P3H2: variants seen among roughly 807,000 people sequenced by gnomAD.
P3H2 encodes the protein leprecan-like 1.
Under a neutral mutation model 87.0 loss-of-function variants are expected in P3H2, and 80 were observed. That is an observed-to-expected ratio of 0.92 (90% CI 0.77 to 1.11). P3H2 has a LOEUF of 1.11. Among genes scored for constraint, P3H2 ranks in the 50% least tolerant of loss-of-function variants. The pLI is 0.00. For synonymous variants in P3H2, 367 were observed against 359.3 expected, an observed-to-expected ratio of 1.02 and a Z score of -0.24; for missense variants, 1,001 against 923.9, an observed-to-expected ratio of 1.08 and a Z score of -1.08.
intron 1 of P3H2, among the ~76,000 whole-genome samples, chr3:190,024,900 C>T (rs997821852): frequency 2.0e-5 from 3 of 152,280 alleles, no homozygotes; most frequent in Middle Eastern, 3.4e-3. Context: ...CCCTTCTCCA[C>T]CCTAACACTG....
intron 13 of P3H2, chr3:189,969,494 G>A: frequency 1.0e-6 from 1 of 973,994 alleles, no homozygotes; most frequent in Middle Eastern, 2.1e-4. Context: ...ATCATAGAGG[G>A]ACTGAGGTCT....
chr3:190,081,412 G>T (rs1045965616), intron 1 of P3H2, among the ~76,000 whole-genome samples: 2 of 152,116 alleles, frequency 1.3e-5, no homozygotes, highest in Non-Finnish European at 2.9e-5. Flanking sequence ...TTTTAAAAAG[G>T]CTTTCCAAAT....
chr3:190,119,811 A>G (rs1712460417), intron 1 of P3H2, among the ~76,000 whole-genome samples: 1 of 151,746 alleles, frequency 6.6e-6, no homozygotes, highest in African/African-American at 2.4e-5. Context: ...TTCAGAGAAA[A>G]GGTGCAGACT....
intron 1 of P3H2, among the ~76,000 whole-genome samples, chr3:190,003,343 G>A (rs978199528): frequency 3.9e-5 from 6 of 152,076 alleles, no homozygotes; most frequent in Admixed American, 1.3e-4. Flanking sequence ...TAGGAGCTCC[G>A]TGAAACAACA....
At chr3:190,016,797 C>G (rs1483459062) in intron 1 of P3H2, among the ~76,000 whole-genome samples, 1 of 152,154 alleles carries the variant, frequency 6.6e-6, no homozygotes, top group Non-Finnish European at 1.5e-5. Context: ...CCCATGACCC[C>G]CTTCTTGCAC....
chr3:189,969,359 C>T (rs1723101658), intron 13 of P3H2: 2 of 823,766 alleles, frequency 2.4e-6, no homozygotes, highest in South Asian at 2.8e-5. Context: ...TCAGTTGTGA[C>T]CATTGTCCCC....
rs201236004 is a variant in P3H2, at chr3:190,120,392, A to G, written c.340T>C (p.Leu114=). ...CTGCGATAACAGCGCGCCCGCCCCA[A>G]CAAGGAGCGGAAAAGGGGCAGCTCA... ...GAELPLFRSL[L]GRARCYRSCE... The change falls in exon 1 of 15, where the codon TTG becomes CTG. Residue 114 remains leucine (L), a synonymous_variant. Transcript: ENST00000319332. The G allele has an allele frequency of 7.0e-4, 1,089 of 1,545,500 alleles. 11 individuals carry two copies. In the African/African-American group the frequency reaches 0.013, roughly 18 times the overall value.
chr3:190,080,999 T>C (rs890286394), intron 1 of P3H2, among the ~76,000 whole-genome samples: 3 of 152,240 alleles, frequency 2.0e-5, no homozygotes, highest in Non-Finnish European at 4.4e-5. Flanking sequence ...CTCTGGCTGA[T>C]AGTCACACTC....
chr3:190,004,557 T>G (rs1489016030), intron 1 of P3H2, among the ~76,000 whole-genome samples: 1 of 151,922 alleles, frequency 6.6e-6, no homozygotes, highest in Non-Finnish European at 1.5e-5. Flanking sequence ...TAATTTTTTG[T>G]ATTTTTAGTA....
chr3:190,111,499 A>C (rs570962818), intron 1 of P3H2, among the ~76,000 whole-genome samples: 323 of 152,296 alleles, frequency 2.1e-3, no homozygotes, highest in South Asian at 7.3e-3. Flanking sequence ...CAGCTGCAGA[A>C]AGATAGGGTG....
chr3:190,026,831 C>G (rs549176167), intron 1 of P3H2, among the ~76,000 whole-genome samples: 1 of 152,124 alleles, frequency 6.6e-6, no homozygotes, highest in African/African-American at 2.4e-5. Context: ...AAATATCATA[C>G]GGGTATTAGT....
chr3:190,078,963 A>G (rs1357190326), intron 1 of P3H2, among the ~76,000 whole-genome samples: 1 of 152,174 alleles, frequency 6.6e-6, no homozygotes, highest in African/African-American at 2.4e-5. Context: ...TTGACAGCAT[A>G]GACTCTGGAG....
At chr3:190,094,832 C>T (rs1727519952) in intron 1 of P3H2, among the ~76,000 whole-genome samples, 1 of 152,186 alleles carries the variant, frequency 6.6e-6, no homozygotes, top group East Asian at 1.9e-4. Context: ...AGAAACAAGA[C>T]TCAGAGGTGT....
At chr3:189,991,831 A>C (rs182190881) in intron 3 of P3H2, among the ~76,000 whole-genome samples, 1 of 152,308 alleles carries the variant, frequency 6.6e-6, no homozygotes, top group East Asian at 1.9e-4. Flanking sequence ...TGTGAGCAGA[A>C]TTTTGTTTTT....
intron 1 of P3H2, among the ~76,000 whole-genome samples, chr3:189,997,836 A>G (rs1401255125): frequency 6.6e-6 from 1 of 152,328 alleles, no homozygotes; most frequent in East Asian, 1.9e-4. Context: ...ACAGATAAAT[A>G]TGAATTGTAT....
At chr3:189,961,517 T>C (rs775670960) in intron 14 of P3H2, among the ~76,000 whole-genome samples, 8 of 151,962 alleles carry the variant, frequency 5.3e-5, no homozygotes, top group Non-Finnish European at 1.0e-4. Flanking sequence ...TTTTCTGAGA[T>C]TCAATCTGCA....
intron 1 of P3H2, among the ~76,000 whole-genome samples, chr3:190,099,528 A>C (rs1711545346): frequency 6.6e-6 from 1 of 152,220 alleles, no homozygotes; most frequent in South Asian, 2.1e-4. Context: ...ATAGCAAGAA[A>C]GATTCTGTTG....
chr3:189,995,339 G>A lies in P3H2; in HGVS notation c.584C>T (p.Ala195Val). ...QQNIENYRATAGVEALQLVDR... is the reference protein window; with the variant it reads ...QQNIENYRATVGVEALQLVDR... ...TACCAACTGCAATGCTTCAACACCA[G>A]CTGTCGCCCTGTAATTCTCAATGTT... is the stretch of plus-strand genomic sequence containing the variant. The change falls in exon 2 of 15, where the codon GCT (alanine) becomes GTT (valine). Residue 195 changes from alanine (A) to valine (V), a missense_variant. Ala to Val is a moderately conservative substitution (Grantham distance 64, BLOSUM62 0). Coordinates refer to ENST00000319332, the MANE Select transcript of P3H2 (RefSeq NM_018192.4). The A allele has an allele frequency of 6.2e-7, 1 of 1,614,086 alleles. No individual in the cohort carries two copies. Among genetic ancestry groups the A allele is most frequent in the Non-Finnish European group, 8.5e-7 (1 of 1,180,010 alleles).
At chr3:190,106,507 T>G (rs1711843804) in intron 1 of P3H2, among the ~76,000 whole-genome samples, 1 of 152,188 alleles carries the variant, frequency 6.6e-6, no homozygotes, top group African/African-American at 2.4e-5. Flanking sequence ...CCCTTAGAAA[T>G]TCACCATCTG....
Sources: gnomAD v4.1 joint callset for allele counts (sites outside exome capture counted in the v4.1 genomes callset) on GRCh38, gnomAD v4.1.1 for gene constraint, MANE v1.5 for transcripts, NCBI Gene and HGNC (gene_info 2026-07-23, HGNC 2026-07-21) for gene names.